PIEZO2: variants seen among roughly 807,000 people sequenced by gnomAD.
The protein encoded by PIEZO2 is piezo-type mechanosensitive ion channel component 2.
PIEZO2 carries 172 observed loss-of-function variants against 337.3 expected under a neutral mutation model. That is an observed-to-expected ratio of 0.51 (90% CI 0.45 to 0.58). The LOEUF is 0.58. Among genes scored for constraint, PIEZO2 ranks in the 20% least tolerant of loss-of-function variants. The pLI is 0.00. For synonymous variants in PIEZO2, 1,251 were observed against 1,228.5 expected, an observed-to-expected ratio of 1.02 and a Z score of -0.38; for missense variants, 3,028 against 3,391.3, an observed-to-expected ratio of 0.89 and a Z score of 2.66.
chr18:11,084,451 A>G (rs2038852679), intron 1 of PIEZO2, among the ~76,000 whole-genome samples: 1 of 152,124 alleles, frequency 6.6e-6, no homozygotes, highest in African/African-American at 2.4e-5. Context: ...AGGAGATAAG[A>G]GAGATCAAGT....
At chr18:10,879,185 C>T (rs967028401) in intron 4 of PIEZO2, among the ~76,000 whole-genome samples, 29 of 152,214 alleles carry the variant, frequency 1.9e-4, no homozygotes, top group African/African-American at 6.8e-4. Flanking sequence ...CAAGCCAATT[C>T]TGCACAGAAT....
At chr18:11,043,645 T>A (rs1021284416) in intron 2 of PIEZO2, among the ~76,000 whole-genome samples, 1 of 151,816 alleles carries the variant, frequency 6.6e-6, no homozygotes. Flanking sequence ...GAAAAAAGTA[T>A]CCATATTATC....
chr18:10,939,310 G>T (rs543918091), intron 3 of PIEZO2, among the ~76,000 whole-genome samples: 7 of 152,292 alleles, frequency 4.6e-5, no homozygotes, highest in Non-Finnish European at 8.8e-5. Context: ...ATGTATATTT[G>T]TGAGAGGCCT....
At position 10,987,278 on chromosome 18, in the gene PIEZO2, T is replaced by TG. The variant is rs371257102; in HGVS notation, c.161-7619dup. Among the ~76,000 whole-genome samples the TG allele has an allele frequency of 3.9e-5, 6 of 152,244 alleles. 1 individual carries two copies. Among genetic ancestry groups the TG allele is most frequent in the African/African-American group, 1.4e-4 (6 of 41,568 alleles). ...GCAATCTTGAGGATAAGAACATAGC[T>TG]GGAAGCATCACACTTTCTGATTTCA... On this transcript the variant is annotated intron_variant, in intron 2 of 55. Transcript: ENST00000674853.
chr18:10,786,114 A>G (rs1325977579), intron 16 of PIEZO2, among the ~76,000 whole-genome samples: 1 of 152,194 alleles, frequency 6.6e-6, no homozygotes, highest in Admixed American at 6.5e-5. Flanking sequence ...TAATGCTTCA[A>G]CTGTAGTTTA....
At chr18:10,761,684 C>T (rs1009849368) in intron 23 of PIEZO2, among the ~76,000 whole-genome samples, 11 of 152,112 alleles carry the variant, frequency 7.2e-5, no homozygotes, top group African/African-American at 2.2e-4. Flanking sequence ...TTTTCAAATA[C>T]CAATTTGCTT....
intron 2 of PIEZO2, among the ~76,000 whole-genome samples, chr18:11,017,881 G>A (rs998851646): frequency 1.3e-5 from 2 of 152,156 alleles, no homozygotes; most frequent in African/African-American, 4.8e-5. Flanking sequence ...TAATCCCAGT[G>A]CATTGGGAGG....
intron 7 of PIEZO2, among the ~76,000 whole-genome samples, chr18:10,845,227 C>CT (rs2041321187): frequency 1.3e-5 from 2 of 151,766 alleles, no homozygotes; most frequent in South Asian, 4.2e-4. Context: ...CACACACACA[C>CT]ACAACTTCAA....
chr18:11,101,358 T>C lies in PIEZO2; in HGVS notation c.65-35136A>G, dbSNP rs1215887973. On this transcript the variant is annotated intron_variant, in intron 1 of 55. Coordinates refer to ENST00000674853, the MANE Select transcript of PIEZO2 (RefSeq NM_001378183.1). The surrounding 1 kb of genome is among the most constrained non-coding windows in gnomAD (Gnocchi z 4.4). ...ACCACTTGCTGGCCCCATGAAGCAC[T>C]CTCAGAGGGCCCCAGGAGCAGAAAC... 6.6e-6 allele frequency among the ~76,000 whole-genome samples: 1 copy of C among 152,146 alleles called. No homozygotes were observed. The highest frequency in any genetic ancestry group is 1.5e-5 in the Non-Finnish European group (1 of 68,024).
chr18:10,675,829 G>A (rs2033974789), intron 53 of PIEZO2, among the ~76,000 whole-genome samples: 1 of 152,114 alleles, frequency 6.6e-6, no homozygotes. Context: ...TCTTGTGATA[G>A]TGAATAAGTC....
At chr18:10,793,119 C>T (rs746005921) in intron 13 of PIEZO2, among the ~76,000 whole-genome samples, 8 of 152,068 alleles carry the variant, frequency 5.3e-5, no homozygotes, top group Non-Finnish European at 8.8e-5. Context: ...ATTAGCTGGG[C>T]GTGGTAGTGG....
At chr18:11,085,892 G>A (rs1042874735) in intron 1 of PIEZO2, among the ~76,000 whole-genome samples, 1 of 151,616 alleles carries the variant, frequency 6.6e-6, no homozygotes, top group African/African-American at 2.4e-5. Flanking sequence ...AGAAAAAAAG[G>A]GAGGTAGGGG....
At chr18:11,142,119 A>G (rs2146286300) in intron 1 of PIEZO2, among the ~76,000 whole-genome samples, 1 of 152,334 alleles carries the variant, frequency 6.6e-6, no homozygotes, top group South Asian at 2.1e-4. Flanking sequence ...TCACCATCCT[A>G]TATGATAAAG....
chr18:10,712,211 A>C (rs1208874870), intron 39 of PIEZO2, among the ~76,000 whole-genome samples: 2 of 152,188 alleles, frequency 1.3e-5, no homozygotes, highest in Non-Finnish European at 2.9e-5. Flanking sequence ...ACATTCAGAC[A>C]AGTCTTGGCT....
intron 1 of PIEZO2, among the ~76,000 whole-genome samples, chr18:11,145,668 C>T (rs989309578): frequency 6.6e-6 from 1 of 152,154 alleles, no homozygotes; most frequent in Non-Finnish European, 1.5e-5. Flanking sequence ...CAGACCAGAA[C>T]CCTCCAATAA....
chr18:10,855,406 T>A lies in PIEZO2; in HGVS notation c.864A>T (p.Leu288Phe). Residue 288 changes from leucine to phenylalanine, a missense_variant, in exon 7 of 56, where the codon TTA becomes TTT. Around this residue, in one of 5 missense-constraint regions of PIEZO2, gnomAD observed 542 missense variants for 605.6 expected, o/e 0.89. Coordinates refer to ENST00000674853, the MANE Select transcript of PIEZO2 (RefSeq NM_001378183.1). This position sits in a 1 kb window ranked among gnomAD's most constrained non-coding sequence, Gnocchi z 4.9. ...FTAGHLIGLY[L>F]YQFQFFQEAV... ...CCTCTTGAAAGAATTGGAACTGGTATAAATAAAGTCCAATCAAATGTCCAG... is the reference window on the plus strand; with the variant it reads ...CCTCTTGAAAGAATTGGAACTGGTAAAAATAAAGTCCAATCAAATGTCCAG... 6.5e-7 allele frequency: 1 copy of A among 1,537,072 alleles called. No individual in the cohort carries two copies. Among genetic ancestry groups the A allele is most frequent in the Non-Finnish European group, 8.7e-7 (1 of 1,146,850 alleles).
chr18:10,726,144 G>C lies in PIEZO2; in HGVS notation c.5029+5263C>G, dbSNP rs7236418. ...GGGTGCGTGGGTGTAGGGTGGTGGG[G>C]GGATGGGTGGGAGAGGATTCATATA... On this transcript the variant is annotated intron_variant, in intron 36 of 55. Transcript: ENST00000674853. This position sits in a 1 kb window ranked among gnomAD's most constrained non-coding sequence, Gnocchi z 5.9. Among the ~76,000 whole-genome samples, 97,457 of 151,426 alleles carry C rather than the reference G, an allele frequency of 0.64. 32,461 individuals are homozygous for C. The highest frequency in any genetic ancestry group is 0.87 in the East Asian group (4,417 of 5,094).
chr18:10,828,881 G>C lies in PIEZO2; in HGVS notation c.918-21607C>G, dbSNP rs907288753. Among the ~76,000 whole-genome samples, 3 of 152,144 alleles carry C rather than the reference G, an allele frequency of 2.0e-5. No individual in the cohort carries two copies. The highest frequency in any genetic ancestry group is 2.9e-5 in the Non-Finnish European group (2 of 68,020). On this transcript the variant is annotated intron_variant, in intron 7 of 55. Coordinates refer to ENST00000674853, the MANE Select transcript of PIEZO2 (RefSeq NM_001378183.1). This position sits in a 1 kb window ranked among gnomAD's most constrained non-coding sequence, Gnocchi z 4.1. ...TCAATGTATGCTGAGATTAACAACA[G>C]AGACAGTTGAGCTTTGCTGCTGGTT...
At chr18:10,871,961 A>G (rs1243856140) in intron 4 of PIEZO2, among the ~76,000 whole-genome samples, 1 of 152,196 alleles carries the variant, frequency 6.6e-6, no homozygotes, top group East Asian at 1.9e-4. Context: ...CACTGAACTT[A>G]GAAGATTTGA....
Sources: gnomAD v4.1 joint callset for allele counts (sites outside exome capture counted in the v4.1 genomes callset) on GRCh38, gnomAD v4.1.1 for gene constraint, gnomAD v4.1.1 regional missense constraint, Gnocchi (gnomAD v3.1) non-coding constraint, MANE v1.5 for transcripts, NCBI Gene and HGNC (gene_info 2026-07-23, HGNC 2026-07-21) for gene names.